Variants in UBXN11 observed in about 807,000 individuals in gnomAD.
UBXN11 encodes UBX domain-containing protein 11.
Under a neutral mutation model 62.8 loss-of-function variants are expected in UBXN11, and 47 were observed. That is an observed-to-expected ratio of 0.75 (90% CI 0.59 to 0.95). UBXN11 has a LOEUF of 0.95. Ranked by LOEUF, UBXN11 falls within the 40% of genes least tolerant of loss-of-function variation. The probability of loss-of-function intolerance (pLI) is 0.00; values close to 1 mark genes in which losing one functional copy is unlikely to be tolerated. For missense variants in UBXN11, 638 were observed against 661.7 expected, an observed-to-expected ratio of 0.96 and a Z score of 0.39; for synonymous variants, 294 against 267.0, an observed-to-expected ratio of 1.10 and a Z score of -0.99.
At chr1:26,307,547 T>C (rs1406794304), upstream of UBXN11, among the ~76,000 whole-genome samples, 2 of 152,112 alleles carry the variant, frequency 1.3e-5, no homozygotes, top group Admixed American at 1.3e-4. Context: ...TTATGATTTC[T>C]GATCTCAGGC....
chr1:26,301,411 C>T (rs771522694), intron 3 of UBXN11, among the ~76,000 whole-genome samples: 3 of 152,104 alleles, frequency 2.0e-5, no homozygotes, highest in Non-Finnish European at 2.9e-5. Flanking sequence ...TCTTGGCCCT[C>T]ACTTGGTTTC....
chr1:26,312,979 C>CAAAAAAAAAAAAAA (rs55777309), intron 1 of UBXN11, among the ~76,000 whole-genome samples: 2 of 48,150 alleles, frequency 4.2e-5, no homozygotes, highest in African/African-American at 9.2e-5. Context: ...AACTCTGTCT[C>CAAAAAAAAAAAAAA]AAAAAAAAAA....
chr1:26,285,330 C>A, intron 10 of UBXN11, 134 bp downstream of exon 10: 1 of 1,519,368 alleles, frequency 6.6e-7, no homozygotes, highest in Non-Finnish European at 8.8e-7. Flanking sequence ...GACTTATCCT[C>A]CTGGAGGGCA....
chr1:26,315,235 T>C (rs1425009830), intron 1 of UBXN11, among the ~76,000 whole-genome samples: 1 of 151,842 alleles, frequency 6.6e-6, no homozygotes, highest in African/African-American at 2.4e-5. Context: ...CAAATAAGAG[T>C]CTGGCATTTA....
At chr1:26,310,810 T>C (rs1396749651), upstream of UBXN11, among the ~76,000 whole-genome samples, 1 of 152,118 alleles carries the variant, frequency 6.6e-6, no homozygotes, top group Non-Finnish European at 1.5e-5. Flanking sequence ...CTGATTTTTT[T>C]TTTTTAACCT....
At position 26,283,083 on chromosome 1, in the gene UBXN11, A is replaced by AGGAGAGGCAATGGAAG. The variant is rs796815737; in HGVS notation, c.1078-162_1078-147dup. 4.8e-6 allele frequency: 5 copies of AGGAGAGGCAATGGAAG among 1,039,190 alleles called. No individual in the cohort carries two copies. In the African/African-American group the frequency reaches 6.4e-5, roughly 13 times the overall value. 64.4% of individuals were successfully genotyped at this position (1,039,190 alleles called of 1,614,324 possible). ...GGTGTTCTGTATAAACCAAGGCCAGAGGAGAGGCAATGGAAGGGGAAGAAG... is the reference window on the plus strand; with the variant it reads ...GGTGTTCTGTATAAACCAAGGCCAGAGGAGAGGCAATGGAAGGGAGAGGCAATGGAAGGGGAAGAAG... On this transcript the variant is annotated intron_variant, in intron 12 of 14. Coordinates refer to ENST00000374222, the MANE Select transcript of UBXN11 (RefSeq NM_001389556.1).
In UBXN11 at chr1:26,298,009, C is replaced by G; in HGVS notation, c.253G>C (p.Asp85His). ...TGGGCCTTCACCTGCTGCTCCAGGTCCCACAACTTCCTCGTCATGAAGGCC... is the reference window on the plus strand; with the variant it reads ...TGGGCCTTCACCTGCTGCTCCAGGTGCCACAACTTCCTCGTCATGAAGGCC... ...LMAFMTRKLW[D>H]LEQQVKAQTD... is the part of the protein sequence containing the mutation. Residue 85 changes from aspartate to histidine, a missense_variant, in exon 5 of 15, where the codon GAC becomes CAC. Asp to His is a moderately conservative substitution (Grantham distance 81, BLOSUM62 -1). Coordinates refer to ENST00000374222, the MANE Select transcript of UBXN11 (RefSeq NM_001389556.1). The G allele has an allele frequency of 6.2e-7, 1 of 1,614,012 alleles. No homozygotes were observed. Among genetic ancestry groups the G allele is most frequent in the Non-Finnish European group, 8.5e-7 (1 of 1,179,974 alleles).
chr1:26,300,898 C>T lies in UBXN11; in HGVS notation c.199+28G>A, dbSNP rs1289739143. 1.9e-6 allele frequency: 3 copies of T among 1,614,022 alleles called. No homozygotes were observed. In the African/African-American group the frequency reaches 4.0e-5, roughly 22 times the overall value. ...CTGGGGCCCCCTCCTGCAGCCAGGA[C>T]CCAGACCCTTCAGGCCTCTGCTCTC... On this transcript the variant is annotated intron_variant, in intron 4 of 14. Transcript: ENST00000374222.
intron 1 of UBXN11, among the ~76,000 whole-genome samples, chr1:26,305,639 G>A (rs1219058826): frequency 2.0e-5 from 3 of 151,886 alleles, no homozygotes; most frequent in South Asian, 2.1e-4. Flanking sequence ...AAGGAGTGAA[G>A]TATGTAATAC....
intron 8 of UBXN11, among the ~76,000 whole-genome samples, chr1:26,291,829 GCCTGGGCCTACAGTGC>G (rs1260364206): frequency 6.6e-6 from 1 of 152,200 alleles, no homozygotes; most frequent in Admixed American, 6.5e-5. Context: ...GAGTTGGCAT[GCCTGGGCCTACAGTGC>G]CCTGGGCAGC....
intron 1 of UBXN11, chr1:26,317,944 C>T (rs2073815525): frequency 1.4e-6 from 2 of 1,387,862 alleles, no homozygotes; most frequent in African/African-American, 2.9e-5. Flanking sequence ...GCAGCTAAAC[C>T]AAAAGAAGCC....
chr1:26,312,316 A>G (rs2073751476), intron 1 of UBXN11, among the ~76,000 whole-genome samples: 1 of 151,992 alleles, frequency 6.6e-6, no homozygotes, highest in African/African-American at 2.4e-5. Flanking sequence ...CAATGGCAGG[A>G]TCTCAGTTCA....
intron 3 of UBXN11, 79 bp downstream of exon 3, chr1:26,301,615 G>C: frequency 6.3e-7 from 1 of 1,581,680 alleles, no homozygotes; most frequent in Non-Finnish European, 8.6e-7. Context: ...TTTCTCGTGT[G>C]ATTTCTCTCC....
At chr1:26,297,225 G>A (rs2073415753) in intron 6 of UBXN11, among the ~76,000 whole-genome samples, 1 of 152,152 alleles carries the variant, frequency 6.6e-6, no homozygotes, top group Non-Finnish European at 1.5e-5. Flanking sequence ...ATGGGACTCG[G>A]TCCCATGTAG....
chr1:26,311,071 T>C (rs1299037183), upstream of UBXN11, among the ~76,000 whole-genome samples: 1 of 151,912 alleles, frequency 6.6e-6, no homozygotes, highest in Non-Finnish European at 1.5e-5. Flanking sequence ...TTTCTGGACC[T>C]GTTTCCCACC....
At chr1:26,285,207 G>A in intron 10 of UBXN11, 1 of 1,279,124 alleles carries the variant, frequency 7.8e-7, no homozygotes, top group Non-Finnish European at 1.0e-6. Context: ...TGAAAGCTGG[G>A]GAGGACTAGA....
chr1:26,294,104 C>T (rs2073338531), intron 8 of UBXN11, 101 bp downstream of exon 8: 2 of 1,522,344 alleles, frequency 1.3e-6, no homozygotes, highest in Non-Finnish European at 1.8e-6. Context: ...GGGTCAGGGA[C>T]CCGGGCACGA....
chr1:26,292,597 T>C (rs1365948382), intron 8 of UBXN11, among the ~76,000 whole-genome samples: 1 of 152,192 alleles, frequency 6.6e-6, no homozygotes, highest in Non-Finnish European at 1.5e-5. Flanking sequence ...GGCTCACACC[T>C]GTAATCCCAG....
intron 1 of UBXN11, among the ~76,000 whole-genome samples, chr1:26,313,962 A>T (rs1357819128): frequency 6.6e-6 from 1 of 151,600 alleles, no homozygotes; most frequent in Non-Finnish European, 1.5e-5. Context: ...TTGTATTTTT[A>T]GTAGAGATGG....
Sources: allele counts gnomAD v4.1 joint callset (sites outside exome capture counted in the v4.1 genomes callset), GRCh38; gene constraint gnomAD v4.1.1; transcripts MANE v1.5; gene names NCBI Gene and HGNC (gene_info 2026-07-23, HGNC 2026-07-21).